GABBR2: variants seen among roughly 807,000 people sequenced by gnomAD.
GABBR2 encodes the protein gamma-aminobutyric acid type B receptor subunit 2, also known as G-protein coupled receptor 51.
In GABBR2, 23 loss-of-function variants were observed where a neutral mutation model predicts 105.6. That is an observed-to-expected ratio of 0.22 (90% CI 0.16 to 0.31). The LOEUF (loss-of-function observed/expected upper bound fraction) is 0.31. Among genes scored for constraint, GABBR2 ranks in the 10% least tolerant of loss-of-function variants. The pLI, the probability that GABBR2 is intolerant of heterozygous loss-of-function variation, is 1.00. For synonymous variants in GABBR2, 478 were observed against 499.7 expected, an observed-to-expected ratio of 0.96 and a Z score of 0.58; for missense variants, 734 against 1,245.5, an observed-to-expected ratio of 0.59 and a Z score of 6.18.
intron 1 of GABBR2, among the ~76,000 whole-genome samples, chr9:98,665,587 G>A (rs994745756): frequency 6.6e-6 from 1 of 152,152 alleles, no homozygotes; most frequent in Non-Finnish European, 1.5e-5. Context: ...AAAACACCAT[G>A]TGGAGTTTGT....
At chr9:98,383,970 CTG>C (rs980803009) in intron 11 of GABBR2, among the ~76,000 whole-genome samples, 4 of 152,194 alleles carry the variant, frequency 2.6e-5, no homozygotes, top group African/African-American at 9.6e-5. Flanking sequence ...GTGGGCAACA[CTG>C]AGGCTTGTGA....
intron 1 of GABBR2, among the ~76,000 whole-genome samples, chr9:98,593,393 G>C (rs1224428242): frequency 6.6e-6 from 1 of 152,202 alleles, no homozygotes; most frequent in Non-Finnish European, 1.5e-5. Context: ...GCAGGGCGTG[G>C]GGAGGGGTGA....
chr9:98,425,455 CTCAT>C (rs1825662450), intron 7 of GABBR2, among the ~76,000 whole-genome samples: 1 of 152,190 alleles, frequency 6.6e-6, no homozygotes, highest in South Asian at 2.1e-4. Context: ...CATTTGTGCA[CTCAT>C]TCTTTCATCA....
chr9:98,404,667 G>C (rs1003655913), intron 8 of GABBR2, among the ~76,000 whole-genome samples: 5 of 152,036 alleles, frequency 3.3e-5, no homozygotes, highest in Admixed American at 2.6e-4. Context: ...GGAATGCCCA[G>C]CCCTGTTCCT....
chr9:98,673,151 C>A (rs1482413700), intron 1 of GABBR2, among the ~76,000 whole-genome samples: 1 of 152,148 alleles, frequency 6.6e-6, no homozygotes, highest in Non-Finnish European at 1.5e-5. Flanking sequence ...TGTCCTCTGG[C>A]AAGGTACATC....
intron 11 of GABBR2, among the ~76,000 whole-genome samples, chr9:98,373,898 C>T (rs1831829026): frequency 7.1e-6 from 1 of 141,828 alleles, no homozygotes; most frequent in South Asian, 2.2e-4. Flanking sequence ...TGCTCTGTCC[C>T]TCAGGCTGGA....
At chr9:98,621,007 G>GA (rs869181660) in intron 1 of GABBR2, among the ~76,000 whole-genome samples, 4 of 151,608 alleles carry the variant, frequency 2.6e-5, no homozygotes, top group Non-Finnish European at 4.4e-5. Flanking sequence ...CTCAGTGGGG[G>GA]AAAAAAAAGC....
At chr9:98,609,620 T>C (rs933986843) in intron 1 of GABBR2, among the ~76,000 whole-genome samples, 4 of 151,958 alleles carry the variant, frequency 2.6e-5, no homozygotes, top group African/African-American at 9.7e-5. Flanking sequence ...GGCTCCAAGG[T>C]GGGTTTTTAG....
At chr9:98,691,672 G>A (rs185576623) in intron 1 of GABBR2, among the ~76,000 whole-genome samples, 170 of 152,332 alleles carry the variant, frequency 1.1e-3, no homozygotes, top group African/African-American at 4.0e-3. Context: ...CTTGCGGTCA[G>A]TCACCTATGT....
In GABBR2 at chr9:98,658,117, C is replaced by T. The variant is rs917892999; in HGVS notation, c.321+50300G>A. Among the ~76,000 whole-genome samples, 8 of 152,154 alleles carry T rather than the reference C, an allele frequency of 5.3e-5. No homozygotes were observed. In the East Asian group the frequency reaches 5.8e-4, roughly 11 times the overall value. Reference sequence around the variant, plus strand: ...TTTAACTCATTTTTCAGACAAGAAACGTGAGGTTCAGAGAGGATAAGTCAT... The same window carrying T: ...TTTAACTCATTTTTCAGACAAGAAATGTGAGGTTCAGAGAGGATAAGTCAT... On this transcript the variant is annotated intron_variant, in intron 1 of 18. Coordinates refer to ENST00000259455, the MANE Select transcript of GABBR2 (RefSeq NM_005458.8).
chr9:98,527,721 A>G (rs1296409922), intron 3 of GABBR2, among the ~76,000 whole-genome samples: 1 of 83,484 alleles, frequency 1.2e-5, no homozygotes, highest in East Asian at 3.2e-4. Context: ...TTCCATATGC[A>G]TGAGTGGGAA....
intron 2 of GABBR2, among the ~76,000 whole-genome samples, chr9:98,553,965 A>G (rs914924409): frequency 9.2e-5 from 14 of 152,200 alleles, no homozygotes; most frequent in Non-Finnish European, 1.6e-4. Context: ...ACAAAAACCC[A>G]TGATATCAGT....
chr9:98,632,483 A>G (rs1930410), intron 1 of GABBR2, among the ~76,000 whole-genome samples: 104,419 of 152,038 alleles, frequency 0.69, 36,629 homozygotes, highest in Middle Eastern at 0.82. Flanking sequence ...ACCTGAGCAG[A>G]CTGTGATGGC....
intron 1 of GABBR2, among the ~76,000 whole-genome samples, chr9:98,644,500 G>A (rs1217716300): frequency 2.0e-5 from 3 of 152,160 alleles, no homozygotes; most frequent in East Asian, 1.9e-4. Context: ...GGGCCAACCC[G>A]GTTCTCCTGG....
chr9:98,624,057 C>G (rs1369249945), intron 1 of GABBR2, among the ~76,000 whole-genome samples: 2 of 152,192 alleles, frequency 1.3e-5, no homozygotes, highest in East Asian at 3.9e-4. Context: ...CCTGTGAGGT[C>G]ACCTGGCAGG....
intron 3 of GABBR2, among the ~76,000 whole-genome samples, chr9:98,515,343 G>A (rs772532916): frequency 6.6e-6 from 1 of 152,148 alleles, no homozygotes; most frequent in South Asian, 2.1e-4. Flanking sequence ...TAAGCTGGAC[G>A]AGCAGTGCGA....
chr9:98,465,145 A>AAAAAAAAAATAAAAAAAAAAAC (rs1826522193), intron 6 of GABBR2, among the ~76,000 whole-genome samples: 1 of 148,838 alleles, frequency 6.7e-6, no homozygotes, highest in Non-Finnish European at 1.5e-5. Context: ...AAAAAAAAAA[A>AAAAAAAAAATAAAAAAAAAAAC]AAGAAAAATT....
chr9:98,501,926 C>T (rs2131679834), intron 3 of GABBR2, among the ~76,000 whole-genome samples: 1 of 152,308 alleles, frequency 6.6e-6, no homozygotes, highest in Non-Finnish European at 1.5e-5. Flanking sequence ...GTCAGATCAG[C>T]TGTCTGAACA....
intron 7 of GABBR2, among the ~76,000 whole-genome samples, chr9:98,425,587 T>C (rs567060084): frequency 3.9e-5 from 6 of 152,276 alleles, no homozygotes; most frequent in African/African-American, 1.4e-4. Flanking sequence ...GCCTAATTGG[T>C]CTCCACTGGT....
Sources: allele counts gnomAD v4.1 joint callset (sites outside exome capture counted in the v4.1 genomes callset), GRCh38; gene constraint gnomAD v4.1.1; transcripts MANE v1.5; gene names NCBI Gene and HGNC (gene_info 2026-07-23, HGNC 2026-07-21).